DPP10: variants seen among roughly 807,000 people sequenced by gnomAD.
DPP10 encodes dipeptidyl peptidase like 10.
In DPP10, 33 loss-of-function variants were observed where a neutral mutation model predicts 120.9. The ratio of observed to expected loss-of-function variants is 0.27; its 90% CI spans 0.21 to 0.37. The LOEUF is 0.37. Ranked by LOEUF, DPP10 falls within the 10% of genes least tolerant of loss-of-function variation. The pLI, the probability that DPP10 is intolerant of heterozygous loss-of-function variation, is 1.00. For missense variants in DPP10, 816 were observed against 942.8 expected, an observed-to-expected ratio of 0.87 and a Z score of 1.76; for synonymous variants, 337 against 326.1, an observed-to-expected ratio of 1.03 and a Z score of -0.36.
At chr2:115,771,052 T>C (rs1360908592) in intron 13 of DPP10, among the ~76,000 whole-genome samples, 1 of 124,126 alleles carries the variant, frequency 8.1e-6, no homozygotes, top group African/African-American at 2.8e-5. Context: ...AGATATACTG[T>C]ACTGTATTTA....
At chr2:114,696,778 A>G (rs1281547015) in intron 1 of DPP10, among the ~76,000 whole-genome samples, 3 of 152,014 alleles carry the variant, frequency 2.0e-5, no homozygotes, top group Non-Finnish European at 4.4e-5. Flanking sequence ...TGAAAAAGTC[A>G]TTAGAGGAGA....
At chr2:114,445,708 A>G (rs534367279) in intron 1 of DPP10, among the ~76,000 whole-genome samples, 1 of 152,224 alleles carries the variant, frequency 6.6e-6, no homozygotes, top group South Asian at 2.1e-4. Flanking sequence ...GGGAGAAGTT[A>G]TAATGGAACA....
chr2:114,752,018 A>C (rs1379095931), intron 1 of DPP10, among the ~76,000 whole-genome samples: 1 of 152,238 alleles, frequency 6.6e-6, no homozygotes, highest in Non-Finnish European at 1.5e-5. Flanking sequence ...CAGCATGTGC[A>C]GCATGGCCCC....
chr2:115,209,978 A>G (rs535360451), intron 1 of DPP10, among the ~76,000 whole-genome samples: 5 of 152,216 alleles, frequency 3.3e-5, no homozygotes, highest in African/African-American at 1.2e-4. Context: ...TAGGAGTTCA[A>G]CACTAGCCTG....
At chr2:115,711,929 T>G (rs1371642996) in intron 7 of DPP10, among the ~76,000 whole-genome samples, 6 of 149,414 alleles carry the variant, frequency 4.0e-5, no homozygotes, top group Admixed American at 6.7e-5. Flanking sequence ...TTTTTTTTTT[T>G]TTTTTTTTTG....
At chr2:114,494,113 A>AAAAAC (rs1682265785) in intron 1 of DPP10, among the ~76,000 whole-genome samples, 1 of 143,846 alleles carries the variant, frequency 7.0e-6, no homozygotes, top group Non-Finnish European at 1.5e-5. Context: ...AAAAAAAAAA[A>AAAAAC]AAAAAAAACC....
At chr2:114,582,754 A>G (rs1690639848) in intron 1 of DPP10, among the ~76,000 whole-genome samples, 2 of 152,104 alleles carry the variant, frequency 1.3e-5, no homozygotes, top group African/African-American at 4.8e-5. Flanking sequence ...TGAAGTGTCT[A>G]TTCAGATCTC....
chr2:115,115,088 G>A (rs1330519071), intron 1 of DPP10, among the ~76,000 whole-genome samples: 1 of 151,948 alleles, frequency 6.6e-6, no homozygotes, highest in Admixed American at 6.6e-5. Context: ...CGATATGTGT[G>A]TGCACATATC....
At chr2:114,664,508 T>G (rs907672082) in intron 1 of DPP10, among the ~76,000 whole-genome samples, 1 of 151,358 alleles carries the variant, frequency 6.6e-6, no homozygotes, top group African/African-American at 2.4e-5. Flanking sequence ...GCGCACCTGT[T>G]ATCCCAGCTA....
chr2:115,801,295 G>A (rs534425672), intron 19 of DPP10, among the ~76,000 whole-genome samples: 1 of 152,336 alleles, frequency 6.6e-6, no homozygotes, highest in East Asian at 1.9e-4. Context: ...TGTATGCTGA[G>A]ACTTTGCTGA....
intron 3 of DPP10, among the ~76,000 whole-genome samples, chr2:115,388,474 A>G (rs570077246): frequency 1.3e-5 from 2 of 152,270 alleles, no homozygotes; most frequent in African/African-American, 4.8e-5. Flanking sequence ...CAGGTGAGAG[A>G]TGTAGGTGGT....
chr2:114,509,495 G>C (rs146383144), intron 1 of DPP10, among the ~76,000 whole-genome samples: 251 of 152,312 alleles, frequency 1.6e-3, no homozygotes, highest in African/African-American at 5.7e-3. Flanking sequence ...AGCAGGCCTG[G>C]AGACTAAATT....
intron 1 of DPP10, among the ~76,000 whole-genome samples, chr2:114,983,966 C>G (rs758150919): frequency 6.6e-6 from 1 of 152,148 alleles, no homozygotes; most frequent in African/African-American, 2.4e-5. Context: ...ACTCTTACAC[C>G]GCCTCTCCAT....
intron 19 of DPP10, among the ~76,000 whole-genome samples, chr2:115,811,702 G>A (rs1455740686): frequency 6.6e-6 from 1 of 152,122 alleles, no homozygotes; most frequent in Non-Finnish European, 1.5e-5. Context: ...AAAAGTTAAG[G>A]ACACTCTGGT....
intron 21 of DPP10, among the ~76,000 whole-genome samples, chr2:115,827,310 C>CACATGT (rs1688426032): frequency 2.5e-5 from 1 of 39,904 alleles, no homozygotes; most frequent in Non-Finnish European, 5.3e-5. Context: ...CATATATATA[C>CACATGT]ACATGTACAT....
At chr2:115,382,569 A>G (rs1476062044) in intron 3 of DPP10, among the ~76,000 whole-genome samples, 9 of 152,164 alleles carry the variant, frequency 5.9e-5, no homozygotes, top group Non-Finnish European at 1.3e-4. Flanking sequence ...CTATTCGGCC[A>G]TCTTCTAATA....
intron 5 of DPP10, among the ~76,000 whole-genome samples, chr2:115,627,273 AC>A (rs1303007392): frequency 1.3e-5 from 2 of 152,136 alleles, no homozygotes; most frequent in Non-Finnish European, 2.9e-5. Flanking sequence ...ACAGAATATA[AC>A]ACCTGACACT....
chr2:115,608,610 A>C (rs2083872325), intron 5 of DPP10, among the ~76,000 whole-genome samples: 1 of 152,160 alleles, frequency 6.6e-6, no homozygotes, highest in South Asian at 2.1e-4. Flanking sequence ...AAGGATCATC[A>C]TTCCTCAAAC....
intron 1 of DPP10, among the ~76,000 whole-genome samples, chr2:114,705,464 T>C (rs1700632215): frequency 6.6e-6 from 1 of 152,116 alleles, no homozygotes; most frequent in Non-Finnish European, 1.5e-5. Flanking sequence ...TGTGTATATA[T>C]TTGTTCCATC....
Sources: allele counts gnomAD v4.1 joint callset (sites outside exome capture counted in the v4.1 genomes callset), GRCh38; gene constraint gnomAD v4.1.1; transcripts MANE v1.5; gene names NCBI Gene and HGNC (gene_info 2026-07-23, HGNC 2026-07-21).